The following DLC1 variants were observed in gnomAD, a reference collection of about 807,000 sequenced individuals.
The protein encoded by DLC1 is rho GTPase-activating protein 7.
DLC1 carries 54 observed loss-of-function variants against 140.3 expected under a neutral mutation model. That is an observed-to-expected ratio of 0.38 (90% CI 0.31 to 0.48). DLC1 has a LOEUF of 0.48. DLC1 is among the 20% of genes least tolerant of loss of function. The pLI, the probability that DLC1 is intolerant of heterozygous loss-of-function variation, is 0.96. For synonymous variants in DLC1, 986 were observed against 728.1 expected (o/e 1.35, Z -5.70); for missense variants, 2,536 against 1,907.0 (o/e 1.33, Z -6.14).
intron 2 of DLC1, among the ~76,000 whole-genome samples, chr8:13,443,219 G>T (rs891579814): frequency 6.6e-6 from 1 of 151,590 alleles, no homozygotes; most frequent in Non-Finnish European, 1.5e-5. Flanking sequence ...TGGGGGGAAG[G>T]GGGAGGGATA....
chr8:13,409,392 C>A (rs920386110), intron 2 of DLC1, among the ~76,000 whole-genome samples: 1 of 152,020 alleles, frequency 6.6e-6, no homozygotes, highest in Non-Finnish European at 1.5e-5. Flanking sequence ...AATATGTCAT[C>A]CTCTCCCTCA....
intron 5 of DLC1, among the ~76,000 whole-genome samples, chr8:13,298,748 T>C (rs4363195): frequency 0.52 from 79,388 of 151,970 alleles, 21,103 homozygotes; most frequent in Non-Finnish European, 0.55. Context: ...GGGATAAAAA[T>C]AACCTGTTAG....
intron 5 of DLC1, among the ~76,000 whole-genome samples, chr8:13,140,585 T>C (rs1822907115): frequency 6.6e-6 from 1 of 152,100 alleles, no homozygotes; most frequent in Non-Finnish European, 1.5e-5. Flanking sequence ...GATCTGTAAG[T>C]ATTATGTATA....
rs1036995871 is a variant in DLC1 at position 13,244,189 on chromosome 8, C to T, written c.1348+61080G>A. Among the ~76,000 whole-genome samples the T allele has an allele frequency of 2.0e-5, 3 of 152,294 alleles. No homozygotes were observed. In the East Asian group the frequency reaches 5.8e-4, roughly 29 times the overall value. On this transcript the variant is annotated intron_variant, in intron 5 of 17. Transcript: ENST00000276297. ...CTTCCTTCCTTCAGGCTATGATAAT[C>T]TTTCTCTTAGATACTTACAGTGACT...
intron 5 of DLC1, among the ~76,000 whole-genome samples, chr8:13,122,299 C>G (rs1048429425): frequency 6.6e-6 from 1 of 152,176 alleles, no homozygotes; most frequent in Non-Finnish European, 1.5e-5. Flanking sequence ...CAAATGTAAG[C>G]TTGCTCCAGG....
At chr8:13,193,337 G>A (rs768459954) in intron 5 of DLC1, among the ~76,000 whole-genome samples, 2 of 152,040 alleles carry the variant, frequency 1.3e-5, no homozygotes, top group Admixed American at 1.3e-4. Flanking sequence ...ATTGAGTGTC[G>A]CTTTTTGAGT....
intron 5 of DLC1, among the ~76,000 whole-genome samples, chr8:13,154,171 G>C (rs548065589): frequency 6.6e-6 from 1 of 152,350 alleles, no homozygotes; most frequent in Non-Finnish European, 1.5e-5. Context: ...AGCCCAGCTG[G>C]CTTCCCCTAG....
At chr8:13,119,605 T>C (rs1035181516) in intron 5 of DLC1, among the ~76,000 whole-genome samples, 3 of 152,174 alleles carry the variant, frequency 2.0e-5, no homozygotes, top group Admixed American at 2.0e-4. Flanking sequence ...CTAATATCTC[T>C]GAGATAAACA....
intron 5 of DLC1, among the ~76,000 whole-genome samples, chr8:13,280,830 A>G (rs1267374918): frequency 6.6e-6 from 1 of 152,208 alleles, no homozygotes; most frequent in Admixed American, 6.5e-5. Context: ...GCTTATTAAG[A>G]GTTAATACCG....
intron 4 of DLC1, among the ~76,000 whole-genome samples, chr8:13,374,194 T>G (rs1184419399): frequency 6.6e-6 from 1 of 152,214 alleles, no homozygotes; most frequent in Non-Finnish European, 1.5e-5. Flanking sequence ...TCAGTGGCTG[T>G]GTAGTTTGCT....
chr8:13,582,601 C>T (rs1048878592), intron 1 of DLC1, among the ~76,000 whole-genome samples: 5 of 151,960 alleles, frequency 3.3e-5, no homozygotes, highest in South Asian at 2.1e-4. Flanking sequence ...TTTTAGAACT[C>T]GAACTGCTTC....
At position 13,168,989 on chromosome 8, in the gene DLC1, G is replaced by A. The variant is rs187552205; in HGVS notation, c.1349-53332C>T. 9.0e-4 allele frequency among the ~76,000 whole-genome samples: 137 copies of A among 152,244 alleles called. 2 individuals are homozygous for A. In the Middle Eastern group the frequency reaches 0.037, roughly 42 times the overall value. Reference sequence around the variant, plus strand: ...ATAGTCCTCTTTGCATTGTAGAAAAGGTCATGGGTATAGGAAATATGATTT... The same window carrying A: ...ATAGTCCTCTTTGCATTGTAGAAAAAGTCATGGGTATAGGAAATATGATTT... On this transcript the variant is annotated intron_variant, in intron 5 of 17. Coordinates refer to ENST00000276297, the MANE Select transcript of DLC1 (RefSeq NM_182643.3).
intron 5 of DLC1, among the ~76,000 whole-genome samples, chr8:13,158,050 T>C (rs1048537057): frequency 6.6e-6 from 1 of 152,206 alleles, no homozygotes; most frequent in Non-Finnish European, 1.5e-5. Flanking sequence ...TTGTTTAAAG[T>C]TTTAAAGCCT....
intron 4 of DLC1, among the ~76,000 whole-genome samples, chr8:13,324,622 A>G: frequency 6.6e-6 from 1 of 151,538 alleles, no homozygotes; most frequent in South Asian, 2.1e-4. Context: ...AACATGATAT[A>G]GTTTTATTTT....
At position 13,347,122 on chromosome 8, in the gene DLC1, C is replaced by T. The variant is rs185421049; in HGVS notation, c.1315-41820G>A. 1.1e-4 allele frequency among the ~76,000 whole-genome samples: 16 copies of T among 152,196 alleles called. No individual in the cohort carries two copies. The East Asian group carries it at 1.9e-3, about 18-fold the overall frequency. The stretch of plus-strand genomic sequence containing the variant: ...AGTATACACAGGGTTTGGTACTATC[C>T]GTAGTTTCAGGCACCCACTGTGGGT... On this transcript the variant is annotated intron_variant, in intron 4 of 17. Coordinates refer to ENST00000276297, the MANE Select transcript of DLC1 (RefSeq NM_182643.3).
chr8:13,266,427 A>C (rs936404694), intron 5 of DLC1, among the ~76,000 whole-genome samples: 3 of 152,120 alleles, frequency 2.0e-5, no homozygotes, highest in Non-Finnish European at 4.4e-5. Context: ...ACATTACTCT[A>C]TCCTGGGAAG....
chr8:13,538,496 G>A (rs112939927), intron 1 of DLC1, among the ~76,000 whole-genome samples: 7 of 152,190 alleles, frequency 4.6e-5, no homozygotes, highest in Non-Finnish European at 7.4e-5. Flanking sequence ...GCCGAGATAA[G>A]CTGTGTCTCC....
At chr8:13,527,899 C>A (rs1802970829) in intron 1 of DLC1, among the ~76,000 whole-genome samples, 1 of 152,032 alleles carries the variant, frequency 6.6e-6, no homozygotes, top group Admixed American at 6.6e-5. Context: ...CTTGCTTTTG[C>A]CACTTTAAGC....
At chr8:13,491,135 A>G (rs1000321327) in intron 2 of DLC1, among the ~76,000 whole-genome samples, 1 of 148,908 alleles carries the variant, frequency 6.7e-6, no homozygotes, top group Non-Finnish European at 1.5e-5. Flanking sequence ...ATATTTTTTT[A>G]TATATATATA....
Sources: allele counts gnomAD v4.1 joint callset (sites outside exome capture counted in the v4.1 genomes callset), GRCh38; gene constraint gnomAD v4.1.1; transcripts MANE v1.5; gene names NCBI Gene and HGNC (gene_info 2026-07-23, HGNC 2026-07-21).